Variants in LPL observed in about 807,000 individuals in gnomAD.
LPL encodes lipoprotein lipase, also known as phospholipase A1.
A neutral mutation model predicts 52.2 loss-of-function variants in LPL; 43 were observed. The ratio of observed to expected loss-of-function variants is 0.82; its 90% CI spans 0.64 to 1.06. The LOEUF is 1.06. Among genes scored for constraint, LPL ranks in the 50% least tolerant of loss-of-function variants. The pLI is 0.00. For synonymous variants in LPL, 244 were observed against 215.6 expected (o/e 1.13, Z -1.15); for missense variants, 639 against 585.3 (o/e 1.09, Z -0.95).
chr8:19,964,355 C>A (rs2070067449), intron 9 of LPL, among the ~76,000 whole-genome samples: 1 of 152,096 alleles, frequency 6.6e-6, no homozygotes. Context: ...GAAAATAAAA[C>A]CTCATTAAAT....
rs2128837682 is a variant in LPL, at chr8:19,951,840, T to C, written c.321T>C (p.Asn107=). The C allele has an allele frequency of 3.1e-6, 5 of 1,614,144 alleles. No individual in the cohort carries two copies. Among genetic ancestry groups the C allele is most frequent in the Non-Finnish European group, 4.2e-6 (5 of 1,180,040 alleles). ...TGTACAAGAGAGAACCAGACTCCAA[T>C]GTCATTGTGGTGGACTGGCTGTCAC... The part of the protein sequence containing the change: ...AALYKREPDS[N]VIVVDWLSRA... Residue 107 remains asparagine (N), a synonymous_variant, in exon 3 of 10, where the codon AAT becomes AAC. Transcript: ENST00000650287.
At position 19,939,632 on chromosome 8, in the gene LPL, C is replaced by A. The variant is rs1228150031; in HGVS notation, c.88+104C>A. On this transcript the variant is annotated intron_variant, in intron 1 of 9. Transcript: ENST00000650287. The surrounding 1 kb of genome is among the most constrained non-coding windows in gnomAD (Gnocchi z 4.0). Reference sequence around the variant, plus strand: ...AGGAAGTTGGAAGGGGCGGTGGATGCGCCCAGGGACTCTCCCAGCCTGGGC... The same window carrying A: ...AGGAAGTTGGAAGGGGCGGTGGATGAGCCCAGGGACTCTCCCAGCCTGGGC... 1.8e-5 allele frequency: 21 copies of A among 1,175,064 alleles called. No individual in the cohort carries two copies. Among genetic ancestry groups the A allele is most frequent in the Non-Finnish European group, 2.4e-5 (20 of 822,734 alleles). 72.8% of individuals were successfully genotyped at this position (1,175,064 alleles called of 1,614,324 possible).
rs539804808 is a variant in LPL, at chr8:19,950,113, G to A, written c.250-1656G>A. ...TGCTTGAGCACAGAGACTGCTGTCTGGCTGTGGGACTGAGTTGGGTCTGTG... is the reference window on the plus strand; with the variant it reads ...TGCTTGAGCACAGAGACTGCTGTCTAGCTGTGGGACTGAGTTGGGTCTGTG... On this transcript the variant is annotated intron_variant, in intron 2 of 9. Transcript: ENST00000650287. This position sits in a 1 kb window ranked among gnomAD's most constrained non-coding sequence, Gnocchi z 4.2. 1.7e-4 allele frequency among the ~76,000 whole-genome samples: 26 copies of A among 152,304 alleles called. No homozygotes were observed. The highest frequency in any genetic ancestry group is 6.0e-4 in the African/African-American group (25 of 41,570).
At chr8:19,959,401 G>T in intron 7 of LPL, 21 bp downstream of exon 7, 2 of 1,613,600 alleles carry the variant, frequency 1.2e-6, no homozygotes, top group Non-Finnish European at 1.7e-6. Context: ...CAGGGGGGCG[G>T]TCATCATGGC....
At chr8:19,951,344 C>T (rs2069932511) in intron 2 of LPL, among the ~76,000 whole-genome samples, 2 of 152,182 alleles carry the variant, frequency 1.3e-5, no homozygotes, top group African/African-American at 4.8e-5. Context: ...GTGCCCAACA[C>T]CCCAACCTTG....
intron 1 of LPL, among the ~76,000 whole-genome samples, chr8:19,941,149 A>G (rs1423854630): frequency 6.6e-6 from 1 of 152,234 alleles, no homozygotes; most frequent in Non-Finnish European, 1.5e-5. Context: ...GCAAAATTGG[A>G]TAAGAAAAAA....
intron 7 of LPL, among the ~76,000 whole-genome samples, chr8:19,960,210 C>T (rs2070025706): frequency 6.6e-6 from 1 of 152,118 alleles, no homozygotes. Flanking sequence ...ACATGCGAAC[C>T]TACCATGCAT....
chr8:19,951,728 G>C (rs1460875259), intron 2 of LPL, 41 bp from the exon 3 acceptor site: 1 of 1,608,670 alleles, frequency 6.2e-7, no homozygotes, highest in Non-Finnish European at 8.5e-7. Flanking sequence ...ATGACAAGTG[G>C]TAGGTGGGTA....
Position 19,939,312 on chromosome 8 carries a change from C to A in LPL, c.-129C>A. The A allele has an allele frequency of 1.3e-6, 1 of 774,304 alleles. No homozygotes were observed. The highest frequency in any genetic ancestry group is 1.6e-5 in the South Asian group (1 of 63,922). The allele number at this position is 774,304 out of a possible 1,614,324, so 48.0% of individuals were successfully genotyped here. On this transcript the variant is annotated 5_prime_UTR_variant, in exon 1 of 10. Transcript: ENST00000650287. This position sits in a 1 kb window ranked among gnomAD's most constrained non-coding sequence, Gnocchi z 4.0. ...GGGAAAGCTGCCCACTTCTAGCTGC[C>A]CTGCCATCCCCTTTAAAGGGCGACT...
chr8:19,947,193 T>A (rs1193723580), intron 1 of LPL, among the ~76,000 whole-genome samples: 2 of 152,126 alleles, frequency 1.3e-5, no homozygotes, highest in Non-Finnish European at 2.9e-5. Flanking sequence ...CTTTAAAAAA[T>A]TTTTTTTAAA....
rs1369594088 is a variant in LPL at position 19,966,921 on chromosome 8, A to C, written c.*1611A>C. 6.6e-6 allele frequency: 1 copy of C among 152,628 alleles called. No individual in the cohort carries two copies. The highest frequency in any genetic ancestry group is 2.4e-5 in the African/African-American group (1 of 41,450). 9.5% of individuals were successfully genotyped at this position (152,628 alleles called of 1,614,324 possible). The stretch of plus-strand genomic sequence containing the variant: ...TTGGGTTGTGACCCAGGGTGCATTA[A>C]CTTAAAAGATTCACTAAAGCAGCAC... On this transcript the variant is annotated 3_prime_UTR_variant, in exon 10 of 10. Transcript: ENST00000650287.
Position 19,951,909 on chromosome 8 carries a change from G to T in LPL, c.390G>T (p.Leu130=). 1 of 1,614,164 alleles carries T rather than the reference G, an allele frequency of 6.2e-7. No homozygotes were observed. Among genetic ancestry groups the T allele is most frequent in the Middle Eastern group, 1.6e-4 (1 of 6,062 alleles). ...HYPVSAGYTK[L]VGQDVARFIN... ...CAGTGTCCGCGGGCTACACCAAACT[G>T]GTGGGACAGGATGTGGCCCGGTTTA... Residue 130 remains leucine (L), a synonymous_variant, in exon 3 of 10, where the codon CTG becomes CTT. Transcript: ENST00000650287.
chr8:19,953,958 G>A (rs2069959836), intron 4 of LPL, among the ~76,000 whole-genome samples, 162 bp from the exon 5 acceptor site: 1 of 152,192 alleles, frequency 6.6e-6, no homozygotes. Context: ...AAGGAGCCAA[G>A]CCTCCTTTTA....
At chr8:19,955,451 G>T (rs1270949012) in intron 5 of LPL, among the ~76,000 whole-genome samples, 4 of 152,084 alleles carry the variant, frequency 2.6e-5, no homozygotes, top group East Asian at 1.9e-4. Context: ...GACTTATGAA[G>T]AATTTATTGT....
At chr8:19,946,697 AG>A in intron 1 of LPL, 1 of 161,520 alleles carries the variant, frequency 6.2e-6, no homozygotes, top group South Asian at 1.4e-4. Context: ...TACAGTAAAT[AG>A]GTGGGTGTTA....
chr8:19,956,227 G>T, intron 6 of LPL, 144 bp downstream of exon 6: 1 of 1,202,580 alleles, frequency 8.3e-7, no homozygotes, highest in Non-Finnish European at 1.2e-6. Flanking sequence ...TCTGTTGATA[G>T]GGGGTTGCAT....
At chr8:19,941,199 G>A (rs2069835999) in intron 1 of LPL, among the ~76,000 whole-genome samples, 1 of 152,214 alleles carries the variant, frequency 6.6e-6, no homozygotes, top group African/African-American at 2.4e-5. Context: ...ACACTGGAGA[G>A]TTGATGAGAA....
chr8:19,940,195 C>A (rs1294409690), intron 1 of LPL, among the ~76,000 whole-genome samples: 1 of 152,234 alleles, frequency 6.6e-6, no homozygotes. Context: ...GAGCCCCGGA[C>A]TCTCTCCAGC....
intron 5 of LPL, among the ~76,000 whole-genome samples, chr8:19,955,331 G>A (rs1014004400): frequency 6.6e-6 from 1 of 152,046 alleles, no homozygotes; most frequent in Non-Finnish European, 1.5e-5. Context: ...TTTACAATTG[G>A]GCTGTAACAC....
Sources: gnomAD v4.1 joint callset for allele counts (sites outside exome capture counted in the v4.1 genomes callset) on GRCh38, gnomAD v4.1.1 for gene constraint, Gnocchi (gnomAD v3.1) non-coding constraint, MANE v1.5 for transcripts, NCBI Gene and HGNC (gene_info 2026-07-23, HGNC 2026-07-21) for gene names.